The following SCGB2B2 variants were observed in gnomAD, a reference collection of about 807,000 sequenced individuals.
The protein encoded by SCGB2B2 is secretoglobin-like protein.
A neutral mutation model predicts 7.6 loss-of-function variants in SCGB2B2; 11 were observed. That is an observed-to-expected ratio of 1.45 (90% CI 0.91 to 2.40). The LOEUF (loss-of-function observed/expected upper bound fraction) is 2.40. Ranked by LOEUF, SCGB2B2 falls within the 30% of genes most tolerant of loss-of-function variation. The probability of loss-of-function intolerance (pLI) is 0.00; values close to 1 mark genes in which losing one functional copy is unlikely to be tolerated. For missense variants in SCGB2B2, 104 were observed against 115.4 expected (o/e 0.90, Z 0.45); for synonymous variants, 50 against 48.6 (o/e 1.03, Z -0.12).
chr19:34,586,000 C>A (rs904268762), downstream of SCGB2B2, among the ~76,000 whole-genome samples: 12 of 151,906 alleles, frequency 7.9e-5, no homozygotes, highest in African/African-American at 2.9e-4. Context: ...ATTACATATA[C>A]CTAAAGTGTA....
chr19:34,667,851 G>C (rs4806035), intron 1 of SCGB2B2, among the ~76,000 whole-genome samples: 99,481 of 148,922 alleles, frequency 0.67, 32,576 homozygotes, highest in Non-Finnish European at 0.71. Flanking sequence ...AGGGCCCTGG[G>C]TGGAGCTTCC....
At chr19:34,618,319 C>A (rs931873780) in intron 1 of SCGB2B2, among the ~76,000 whole-genome samples, 3 of 152,126 alleles carry the variant, frequency 2.0e-5, no homozygotes, top group African/African-American at 7.2e-5. Context: ...TTTTATAAAC[C>A]TTTTACAACC....
intron 1 of SCGB2B2, among the ~76,000 whole-genome samples, chr19:34,606,511 CTTTTTCTTTTT>C (rs2065782848): frequency 1.1e-5 from 1 of 92,586 alleles, no homozygotes; most frequent in Non-Finnish European, 2.7e-5. Flanking sequence ...TTTTTCTTTT[CTTTTTCTTTTT>C]TTTTTTGCTG....
intron 1 of SCGB2B2, among the ~76,000 whole-genome samples, chr19:34,643,511 TAG>T (rs1342600267): frequency 1.3e-5 from 2 of 152,118 alleles, no homozygotes; most frequent in Non-Finnish European, 2.9e-5. Context: ...GATAGCAGAA[TAG>T]AGTGACCATA....
intron 1 of SCGB2B2, among the ~76,000 whole-genome samples, chr19:34,632,303 C>T (rs1218883181): frequency 1.3e-5 from 2 of 152,066 alleles, no homozygotes; most frequent in Non-Finnish European, 2.9e-5. Flanking sequence ...ATAGGACAGA[C>T]TGTTAAGATG....
intron 1 of SCGB2B2, among the ~76,000 whole-genome samples, chr19:34,602,324 T>C (rs1018937431): frequency 1.3e-5 from 2 of 152,248 alleles, no homozygotes; most frequent in Non-Finnish European, 2.9e-5. Context: ...TCTTTTTATA[T>C]ATAATCTCAT....
intron 1 of SCGB2B2, chr19:34,608,670 T>C (rs1389878403): frequency 1.8e-5 from 1 of 55,618 alleles, no homozygotes; most frequent in African/African-American, 5.0e-5. Flanking sequence ...CATATATATA[T>C]ATATATATAT....
Position 34,591,106 on chromosome 19 carries a change from C to T in SCGB2B2, c.*2449G>A, listed in dbSNP as rs1732591120. Reference sequence around the variant, plus strand: ...TACATGTTTTTGTCTCCAGGCCCAACTATTCCATGAGCTCCAAACTAGAGC... The same window carrying T: ...TACATGTTTTTGTCTCCAGGCCCAATTATTCCATGAGCTCCAAACTAGAGC... On this transcript the variant is annotated 3_prime_UTR_variant, in exon 4 of 4. Transcript: ENST00000601241. Among the ~76,000 whole-genome samples the T allele has an allele frequency of 6.6e-6, 1 of 152,176 alleles. No homozygotes were observed. Among genetic ancestry groups the T allele is most frequent in the South Asian group, 2.1e-4 (1 of 4,824 alleles).
intron 1 of SCGB2B2, among the ~76,000 whole-genome samples, chr19:34,610,424 A>C (rs1482763298): frequency 6.6e-6 from 1 of 152,166 alleles, no homozygotes; most frequent in Non-Finnish European, 1.5e-5. Context: ...TTCTTTATTC[A>C]GTATGATTTT....
chr19:34,598,481 AGTT>A (rs1041635809), intron 1 of SCGB2B2, among the ~76,000 whole-genome samples: 4 of 151,852 alleles, frequency 2.6e-5, no homozygotes, highest in African/African-American at 9.7e-5. Flanking sequence ...TCTAATCCCC[AGTT>A]GTTTGAGGAA....
intron 1 of SCGB2B2, among the ~76,000 whole-genome samples, chr19:34,603,125 C>T (rs1370008966): frequency 6.6e-6 from 1 of 152,184 alleles, no homozygotes; most frequent in Non-Finnish European, 1.5e-5. Flanking sequence ...GGTAATAAAA[C>T]TCACAGGCAC....
rs539411335 is a variant in SCGB2B2, at chr19:34,596,682, T to C, written c.-2031-88A>G. 868 of 152,332 alleles carry C rather than the reference T, an allele frequency of 5.7e-3. 2 individuals carry two copies. The highest frequency in any genetic ancestry group is 0.01 in the Non-Finnish European group (683 of 68,092). 9.4% of individuals were successfully genotyped at this position (152,332 alleles called of 1,614,324 possible). A position where few individuals can be genotyped will look rare whatever the true frequency, so the allele number is the denominator to read the frequency against. On this transcript the variant is annotated intron_variant, in intron 1 of 3. Coordinates refer to ENST00000601241, the MANE Select transcript of SCGB2B2 (RefSeq NM_001025591.4). ...GGATGTTTCCTCACTTTACACCATT[T>C]GGGGACCCTCCCCAGGGGGAAAAGC...
intron 1 of SCGB2B2, among the ~76,000 whole-genome samples, chr19:34,626,670 T>C (rs1005859333): frequency 7.2e-5 from 11 of 152,228 alleles, no homozygotes; most frequent in Admixed American, 6.5e-4. Context: ...TGGAACCAAG[T>C]TGGAAAACAA....
intron 1 of SCGB2B2, among the ~76,000 whole-genome samples, chr19:34,606,130 A>C (rs925101661): frequency 1.3e-5 from 2 of 151,972 alleles, no homozygotes; most frequent in African/African-American, 4.8e-5. Flanking sequence ...CTTTTTAAAA[A>C]ATTTTACATA....
At position 34,667,774 on chromosome 19, in the gene SCGB2B2, G is replaced by T. The variant is rs8101603; in HGVS notation, c.-2032+7856C>A. ...TCCTCCTGTAACGGGAAGGTGGGAT[G>T]GGGGGAGCCCACCCTGACACTGACC... On this transcript the variant is annotated intron_variant, in intron 1 of 3. Coordinates refer to ENST00000601241, the MANE Select transcript of SCGB2B2 (RefSeq NM_001025591.4). Among the ~76,000 whole-genome samples the T allele has an allele frequency of 7.3e-3, 1,107 of 152,168 alleles. 17 individuals carry two copies. Among genetic ancestry groups the T allele is most frequent in the African/African-American group, 0.025 (1,055 of 41,536 alleles).
At chr19:34,623,423 C>G (rs1054943899) in intron 1 of SCGB2B2, among the ~76,000 whole-genome samples, 1 of 152,144 alleles carries the variant, frequency 6.6e-6, no homozygotes, top group African/African-American at 2.4e-5. Flanking sequence ...ACCCAGGGTA[C>G]AGAGAAAGGT....
chr19:34,649,706 T>C (rs11671003), intron 1 of SCGB2B2, among the ~76,000 whole-genome samples: 59,884 of 151,074 alleles, frequency 0.4, 12,977 homozygotes, highest in Middle Eastern at 0.6. Flanking sequence ...AAAAAAATTT[T>C]AGCTGGGTGT....
chr19:34,615,885 G>T (rs1443101781), intron 1 of SCGB2B2, among the ~76,000 whole-genome samples: 1 of 138,016 alleles, frequency 7.2e-6, no homozygotes, highest in Non-Finnish European at 1.5e-5. Context: ...TCCCCTTCCT[G>T]TGTCCATGTG....
At position 34,624,434 on chromosome 19, in the gene SCGB2B2, C is replaced by T. The variant is rs147526343; in HGVS notation, c.-2031-27840G>A. On this transcript the variant is annotated intron_variant, in intron 1 of 3. Transcript: ENST00000601241. Reference sequence around the variant, plus strand: ...AGTTGAAATCTTGAAATCCCCCCATCTCAAGGAAATCACAGAAGCAGCAAT... The same window carrying T: ...AGTTGAAATCTTGAAATCCCCCCATTTCAAGGAAATCACAGAAGCAGCAAT... Among the ~76,000 whole-genome samples the T allele has an allele frequency of 3.1e-3, 467 of 152,290 alleles. 1 individual carries two copies. The highest frequency in any genetic ancestry group is 0.011 in the African/African-American group (447 of 41,546).
Sources: allele counts gnomAD v4.1 joint callset (sites outside exome capture counted in the v4.1 genomes callset), GRCh38; gene constraint gnomAD v4.1.1; transcripts MANE v1.5; gene names NCBI Gene and HGNC (gene_info 2026-07-23, HGNC 2026-07-21).